Variants in HMGCLL1 observed in about 807,000 individuals in gnomAD.
HMGCLL1 encodes the protein 3-hydroxy-3-methylglutaryl-CoA lyase like 1.
HMGCLL1 carries 36 observed loss-of-function variants against 39.1 expected under a neutral mutation model. That is an observed-to-expected ratio of 0.92 (90% CI 0.71 to 1.22). The LOEUF (loss-of-function observed/expected upper bound fraction) is 1.22, where lower values mean the gene tolerates loss of function less well. Ranked by LOEUF, HMGCLL1 falls within the 50% of genes most tolerant of loss-of-function variation. The pLI, the probability that HMGCLL1 is intolerant of heterozygous loss-of-function variation, is 0.00. For missense variants in HMGCLL1, 451 were observed against 416.5 expected, an observed-to-expected ratio of 1.08 and a Z score of -0.72; for synonymous variants, 149 against 144.0, an observed-to-expected ratio of 1.03 and a Z score of -0.25.
chr6:55,644,169 C>A, the HMGCLL1 span, among the ~76,000 whole-genome samples: 3 of 151,970 alleles, frequency 2.0e-5, no homozygotes, highest in Non-Finnish European at 4.4e-5. Flanking sequence ...ATGTTGAGCA[C>A]TTTTTCATAT....
At chr6:55,576,083 C>A (rs1015428710) in intron 1 of HMGCLL1, among the ~76,000 whole-genome samples, 15 of 152,128 alleles carry the variant, frequency 9.9e-5, no homozygotes, top group African/African-American at 3.6e-4. Context: ...TTTTACTATG[C>A]TTAATATCTG....
intron 7 of HMGCLL1, among the ~76,000 whole-genome samples, chr6:55,450,539 C>T (rs1764035907): frequency 6.6e-6 from 1 of 152,128 alleles, no homozygotes; most frequent in African/African-American, 2.4e-5. Flanking sequence ...TAGGTTGGCA[C>T]ATAGCAAAAT....
the HMGCLL1 span, among the ~76,000 whole-genome samples, chr6:55,654,000 G>C: frequency 2.0e-5 from 3 of 151,974 alleles, no homozygotes; most frequent in Non-Finnish European, 4.4e-5. Flanking sequence ...CTGATGGTAG[G>C]AAAGAGGGCA....
chr6:55,495,571 T>A lies in HMGCLL1; in HGVS notation c.643A>T (p.Ile215Phe). 1 of 1,612,914 alleles carries A rather than the reference T, an allele frequency of 6.2e-7. No individual in the cohort carries two copies. ...KRLYGMGCYEISLGDTIGVGT... is the reference protein window; with the variant it reads ...KRLYGMGCYEFSLGDTIGVGT... ...ACTCCAATTGTGTCTCCTAGAGAGA[T>A]CTCATAACAACCCATGCCGTACAAT... The change falls in exon 7 of 9, where the codon ATC (isoleucine) becomes TTC (phenylalanine). Residue 215 changes from isoleucine to phenylalanine, a missense_variant. Coordinates refer to ENST00000274901, the MANE Select transcript of HMGCLL1 (RefSeq NM_001042406.2).
At chr6:55,481,868 T>G (rs1457044294) in intron 7 of HMGCLL1, among the ~76,000 whole-genome samples, 1 of 152,144 alleles carries the variant, frequency 6.6e-6, no homozygotes, top group Non-Finnish European at 1.5e-5. Flanking sequence ...AAAGCAGTAT[T>G]AATATTTGCC....
rs577156452 is a variant in HMGCLL1 at position 55,549,313 on chromosome 6, T to G, written c.109-7173A>C. Among the ~76,000 whole-genome samples the G allele has an allele frequency of 4.9e-4, 74 of 151,876 alleles. 1 individual carries two copies. The highest frequency in any genetic ancestry group is 1.5e-3 in the African/African-American group (63 of 41,310). ...GATCTCACACTCTCCCACCTTGCTGTCAGTCCCAAAATTTATTTTGAAAAC... is the reference window on the plus strand; with the variant it reads ...GATCTCACACTCTCCCACCTTGCTGGCAGTCCCAAAATTTATTTTGAAAAC... On this transcript the variant is annotated intron_variant, in intron 1 of 8. Transcript: ENST00000274901.
At chr6:55,554,562 A>T (rs1001866069) in intron 1 of HMGCLL1, among the ~76,000 whole-genome samples, 1 of 152,138 alleles carries the variant, frequency 6.6e-6, no homozygotes, top group African/African-American at 2.4e-5. Context: ...CAATGAAAAA[A>T]ACTTGACATC....
intron 1 of HMGCLL1, among the ~76,000 whole-genome samples, chr6:55,559,937 T>C (rs1770858899): frequency 6.6e-6 from 1 of 152,126 alleles, no homozygotes; most frequent in Non-Finnish European, 1.5e-5. Flanking sequence ...AAAATAAACA[T>C]GAACCTTTAA....
the HMGCLL1 span, among the ~76,000 whole-genome samples, chr6:55,640,876 T>C: frequency 3.3e-5 from 5 of 151,964 alleles, no homozygotes; most frequent in African/African-American, 9.7e-5. Context: ...GACTTAAAAA[T>C]ATTTTTGGAA....
chr6:55,583,977 G>A (rs1208632774), upstream of HMGCLL1, among the ~76,000 whole-genome samples: 1 of 151,978 alleles, frequency 6.6e-6, no homozygotes, highest in Non-Finnish European at 1.5e-5. Context: ...ATATGGAATG[G>A]CCTTTTGAGA....
chr6:55,637,144 T>C, the HMGCLL1 span, among the ~76,000 whole-genome samples: 1 of 152,186 alleles, frequency 6.6e-6, no homozygotes, highest in Admixed American at 6.6e-5. Flanking sequence ...GGAACTAGCA[T>C]ACATCTGTCA....
chr6:55,576,873 G>GT (rs1771783677), intron 1 of HMGCLL1, among the ~76,000 whole-genome samples: 1 of 152,174 alleles, frequency 6.6e-6, no homozygotes, highest in Non-Finnish European at 1.5e-5. Flanking sequence ...TTTTGAAAAT[G>GT]TTTGAGTTTG....
the HMGCLL1 span, among the ~76,000 whole-genome samples, chr6:55,613,812 G>C: frequency 6.6e-6 from 1 of 152,054 alleles, no homozygotes; most frequent in Admixed American, 6.6e-5. Context: ...GGGTCAAATA[G>C]TTAATGCATG....
In HMGCLL1 at chr6:55,479,995, G is replaced by A. The variant is rs904535006; in HGVS notation, c.795+15424C>T. Among the ~76,000 whole-genome samples, 9 of 151,586 alleles carry A rather than the reference G, an allele frequency of 5.9e-5. 1 individual carries two copies. The highest frequency in any genetic ancestry group is 2.2e-4 in the African/African-American group (9 of 40,968). ...AAAATTTAAAACAGATTAAATGCTTGAAGAGGTTAAAGAAGTGAGAGAGTT... is the reference window on the plus strand; with the variant it reads ...AAAATTTAAAACAGATTAAATGCTTAAAGAGGTTAAAGAAGTGAGAGAGTT... On this transcript the variant is annotated intron_variant, in intron 7 of 8. Coordinates refer to ENST00000274901, the MANE Select transcript of HMGCLL1 (RefSeq NM_001042406.2).
chr6:55,556,361 C>A (rs1770665997), intron 1 of HMGCLL1, among the ~76,000 whole-genome samples: 2 of 152,068 alleles, frequency 1.3e-5, no homozygotes, highest in African/African-American at 2.4e-5. Flanking sequence ...GGGATGACTG[C>A]AAAGCTATAC....
At chr6:55,537,804 T>C (rs1241536933) in intron 3 of HMGCLL1, among the ~76,000 whole-genome samples, 1 of 152,146 alleles carries the variant, frequency 6.6e-6, no homozygotes, top group African/African-American at 2.4e-5. Context: ...CCTCAAAAGC[T>C]ATGTGGGGGA....
the HMGCLL1 span, among the ~76,000 whole-genome samples, chr6:55,596,518 A>G: frequency 6.0e-4 from 91 of 151,200 alleles, no homozygotes; most frequent in African/African-American, 2.1e-3. Context: ...GATGTAAAAG[A>G]TTTAATTATG....
the HMGCLL1 span, among the ~76,000 whole-genome samples, chr6:55,644,754 T>C: frequency 2.6e-5 from 4 of 152,086 alleles, no homozygotes; most frequent in African/African-American, 4.8e-5. Context: ...TCTATTGGCC[T>C]ATGTGTCTGT....
At chr6:55,443,775 A>G (rs1284745739) in intron 7 of HMGCLL1, among the ~76,000 whole-genome samples, 2 of 152,212 alleles carry the variant, frequency 1.3e-5, no homozygotes, top group African/African-American at 4.8e-5. Context: ...ATTAAAAAAG[A>G]ATACTGGCAT....
Sources: gnomAD v4.1 joint callset for allele counts (sites outside exome capture counted in the v4.1 genomes callset) on GRCh38, gnomAD v4.1.1 for gene constraint, MANE v1.5 for transcripts, NCBI Gene and HGNC (gene_info 2026-07-23, HGNC 2026-07-21) for gene names.